BLTP3B: variants seen among roughly 807,000 people sequenced by gnomAD.
BLTP3B encodes bridge-like lipid transfer protein family member 3B.
the BLTP3B span, among the ~76,000 whole-genome samples, chr12:100,130,819 G>C: frequency 6.6e-6 from 1 of 152,094 alleles, no homozygotes; most frequent in African/African-American, 2.4e-5. Context: ...AGCTACTTGA[G>C]AGGCTGAGGC....
chr12:100,056,045 C>T, the BLTP3B span, among the ~76,000 whole-genome samples: 4 of 151,338 alleles, frequency 2.6e-5, no homozygotes, highest in African/African-American at 9.8e-5. Flanking sequence ...TCTATTATTA[C>T]AGAGTTGTCA....
At chr12:100,068,238 A>C in the BLTP3B span, among the ~76,000 whole-genome samples, 1 of 152,176 alleles carries the variant, frequency 6.6e-6, no homozygotes, top group Non-Finnish European at 1.5e-5. Context: ...ACAAAAACAT[A>C]AAGTGGGGAA....
At chr12:100,142,774 C>A in the BLTP3B span, 4 of 1,295,608 alleles carry the variant, frequency 3.1e-6, no homozygotes, top group Non-Finnish European at 4.1e-6. Context: ...CCCAAGGCCC[C>A]GGCCAAGGCC....
the BLTP3B span, among the ~76,000 whole-genome samples, chr12:100,082,857 CA>C: frequency 2.6e-5 from 4 of 152,192 alleles, no homozygotes; most frequent in African/African-American, 9.6e-5. Flanking sequence ...ACCATATAAT[CA>C]AAAATTAATA....
the BLTP3B span, among the ~76,000 whole-genome samples, chr12:100,043,971 A>G: frequency 6.6e-6 from 1 of 152,118 alleles, no homozygotes; most frequent in African/African-American, 2.4e-5. Context: ...GGAAGAAGGT[A>G]TGATTTATCT....
At chr12:100,066,564 C>A in the BLTP3B span, among the ~76,000 whole-genome samples, 1 of 151,542 alleles carries the variant, frequency 6.6e-6, no homozygotes, top group Admixed American at 6.6e-5. Context: ...GAGGCCAAGG[C>A]AGCCAGATCA....
At chr12:100,070,102 C>T in the BLTP3B span, 1 of 1,495,444 alleles carries the variant, frequency 6.7e-7, no homozygotes, top group Non-Finnish European at 9.0e-7. Context: ...CATTTTACTC[C>T]CTATGAGATG....
the BLTP3B span, among the ~76,000 whole-genome samples, chr12:100,079,689 C>G: frequency 6.6e-6 from 1 of 152,166 alleles, no homozygotes; most frequent in Non-Finnish European, 1.5e-5. Context: ...TAAAGAGAAG[C>G]CTAATGTTAA....
At chr12:100,038,832 A>T in the BLTP3B span, among the ~76,000 whole-genome samples, 1 of 152,230 alleles carries the variant, frequency 6.6e-6, no homozygotes, top group Non-Finnish European at 1.5e-5. Context: ...GATACATTAA[A>T]ATATATGCAG....
chr12:100,117,371 C>T, the BLTP3B span, among the ~76,000 whole-genome samples: 7 of 152,172 alleles, frequency 4.6e-5, no homozygotes, highest in Non-Finnish European at 8.8e-5. Context: ...CTTAACTAAC[C>T]TCTGTGGTCT....
chr12:100,083,139 T>C, the BLTP3B span: 1 of 1,606,272 alleles, frequency 6.2e-7, no homozygotes, highest in South Asian at 1.1e-5. Flanking sequence ...CCTTCTCTGT[T>C]GGAAACAAAA....
chr12:100,037,440 A>G, the BLTP3B span: 1 of 1,327,950 alleles, frequency 7.5e-7, no homozygotes, highest in Non-Finnish European at 9.6e-7. Context: ...CCAAAACACA[A>G]AACAACCAAA....
the BLTP3B span, chr12:100,057,693 T>A: frequency 1.2e-6 from 2 of 1,612,352 alleles, no homozygotes; most frequent in Non-Finnish European, 1.7e-6. Context: ...CATATTCTTA[T>A]AAGAAACACA....
chr12:100,102,700 C>CTT, the BLTP3B span: 358 of 704,574 alleles, frequency 5.1e-4, no homozygotes, highest in South Asian at 1.0e-3. Flanking sequence ...GAGGTTAAGG[C>CTT]TTTTTTTTTT....
At chr12:100,083,801 C>T in the BLTP3B span, among the ~76,000 whole-genome samples, 1 of 151,672 alleles carries the variant, frequency 6.6e-6, no homozygotes, top group Non-Finnish European at 1.5e-5. Flanking sequence ...CTGGGTGTGA[C>T]TATTATTGGT....
chr12:100,110,720 G>C, the BLTP3B span, among the ~76,000 whole-genome samples: 17 of 152,094 alleles, frequency 1.1e-4, no homozygotes, highest in South Asian at 6.2e-4. Context: ...GGAGGAAAAG[G>C]GGGTAGGGAA....
At chr12:100,133,496 A>C in the BLTP3B span, among the ~76,000 whole-genome samples, 21 of 152,216 alleles carry the variant, frequency 1.4e-4, no homozygotes, top group Admixed American at 9.2e-4. Context: ...GGGTAAAAAG[A>C]AAAGCAAACT....
At chr12:100,070,443 G>A in the BLTP3B span, among the ~76,000 whole-genome samples, 1 of 151,946 alleles carries the variant, frequency 6.6e-6, no homozygotes, top group Non-Finnish European at 1.5e-5. Flanking sequence ...ATTTTTAGTA[G>A]ACGGGGTTTT....
the BLTP3B span, among the ~76,000 whole-genome samples, chr12:100,074,371 G>T: frequency 6.6e-6 from 1 of 152,100 alleles, no homozygotes; most frequent in Non-Finnish European, 1.5e-5. Context: ...GGCTGAGGCG[G>T]GCAGATCATT....
Sources: gnomAD v4.1 joint callset for allele counts (sites outside exome capture counted in the v4.1 genomes callset) on GRCh38, gnomAD v4.1.1 for gene constraint, MANE v1.5 for transcripts, NCBI Gene and HGNC (gene_info 2026-07-23, HGNC 2026-07-21) for gene names.